Variants in GLRB observed in about 807,000 individuals in gnomAD.
GLRB encodes glycine receptor beta.
A neutral mutation model predicts 54.2 loss-of-function variants in GLRB; 33 were observed. The observed-to-expected ratio is 0.61, with a 90% CI of 0.46 to 0.81. GLRB has a LOEUF of 0.81. Ranked by LOEUF, GLRB falls within the 40% of genes least tolerant of loss-of-function variation. GLRB has a pLI of 0.00. For synonymous variants in GLRB, 209 were observed against 208.2 expected (o/e 1.00, Z -0.03); for missense variants, 572 against 584.6 (o/e 0.98, Z 0.22).
intron 9 of GLRB, among the ~76,000 whole-genome samples, chr4:157,159,343 C>T (rs910531741): frequency 6.6e-6 from 1 of 151,996 alleles, no homozygotes; most frequent in Non-Finnish European, 1.5e-5. Context: ...TGCTTGATTG[C>T]CTTGGCCAGA....
At chr4:157,134,263 A>G (rs917167479) in intron 4 of GLRB, among the ~76,000 whole-genome samples, 2 of 152,064 alleles carry the variant, frequency 1.3e-5, no homozygotes, top group African/African-American at 4.8e-5. Flanking sequence ...TGGATAAAGA[A>G]TACTAATGAG....
intron 8 of GLRB, 100 bp downstream of exon 8, chr4:157,144,059 G>A: frequency 8.1e-7 from 1 of 1,238,406 alleles, no homozygotes; most frequent in Non-Finnish European, 1.2e-6. Flanking sequence ...TTTTAGAATT[G>A]TTAGCCACCA....
At chr4:157,077,917 G>A (rs1048092841) in intron 1 of GLRB, 79 bp from the exon 2 acceptor site, 26 of 919,260 alleles carry the variant, frequency 2.8e-5, no homozygotes, top group Non-Finnish European at 4.4e-5. Context: ...GGGTAGTAAT[G>A]CTTATACTCT....
At chr4:157,162,160 G>T (rs978184081) in intron 9 of GLRB, among the ~76,000 whole-genome samples, 1 of 152,094 alleles carries the variant, frequency 6.6e-6, no homozygotes, top group African/African-American at 2.4e-5. Context: ...CGTAGTTCTC[G>T]TGCCATGGTT....
intron 4 of GLRB, among the ~76,000 whole-genome samples, chr4:157,134,941 T>C (rs1410412346): frequency 6.6e-6 from 1 of 152,108 alleles, no homozygotes; most frequent in African/African-American, 2.4e-5. Flanking sequence ...TTTCCAGTCA[T>C]ATGAAGCATA....
At chr4:157,089,114 G>T (rs1012668671) in intron 2 of GLRB, among the ~76,000 whole-genome samples, 4 of 152,176 alleles carry the variant, frequency 2.6e-5, no homozygotes, top group African/African-American at 9.7e-5. Flanking sequence ...TTTCGGCTGG[G>T]TGCCATGGCT....
In GLRB at chr4:157,170,798, C is replaced by G. The variant is rs1379887641; in HGVS notation, c.*70C>G. 1 of 880,810 alleles carries G rather than the reference C, an allele frequency of 1.1e-6. No homozygotes were observed. The highest frequency in any genetic ancestry group is 1.7e-6 in the Non-Finnish European group (1 of 589,840). 54.6% of individuals were successfully genotyped at this position (880,810 alleles called of 1,614,324 possible). A position where few individuals can be genotyped will look rare whatever the true frequency, so the allele number is the denominator to read the frequency against. The stretch of plus-strand genomic sequence containing the variant: ...ACCTACTCCTTTCATAAATGCCAAT[C>G]TGTGAGAACTTTTGAATTTTCATAG... On this transcript the variant is annotated 3_prime_UTR_variant, in exon 10 of 10. Transcript: ENST00000264428.
At chr4:157,167,948 A>T (rs1737775340) in intron 9 of GLRB, among the ~76,000 whole-genome samples, 1 of 152,114 alleles carries the variant, frequency 6.6e-6, no homozygotes, top group Admixed American at 6.6e-5. Context: ...TTGAACTAAC[A>T]GAGGGACAAC....
intron 2 of GLRB, among the ~76,000 whole-genome samples, chr4:157,102,622 T>C (rs2126484803): frequency 6.6e-6 from 1 of 152,238 alleles, no homozygotes; most frequent in Admixed American, 6.5e-5. Flanking sequence ...GAGATTACAA[T>C]CTTCAGGCAG....
At chr4:157,147,214 C>T (rs1302808752) in intron 8 of GLRB, among the ~76,000 whole-genome samples, 4 of 152,074 alleles carry the variant, frequency 2.6e-5, no homozygotes, top group Admixed American at 1.3e-4. Context: ...GGGGAGTGAG[C>T]GTAAGCAGAG....
At chr4:157,169,651 A>G (rs1737844301) in intron 9 of GLRB, among the ~76,000 whole-genome samples, 2 of 152,136 alleles carry the variant, frequency 1.3e-5, no homozygotes, top group African/African-American at 2.4e-5. Context: ...AACTGTATTT[A>G]TTGAAAAAAA....
At chr4:157,154,271 G>A (rs1277978033) in intron 9 of GLRB, among the ~76,000 whole-genome samples, 2 of 151,968 alleles carry the variant, frequency 1.3e-5, no homozygotes, top group Non-Finnish European at 2.9e-5. Context: ...TTGGTGTTTG[G>A]TATTTAAACT....
At chr4:157,095,289 A>G (rs944390213) in intron 2 of GLRB, among the ~76,000 whole-genome samples, 6 of 141,934 alleles carry the variant, frequency 4.2e-5, no homozygotes, top group African/African-American at 1.6e-4. Context: ...AGTGATTCCC[A>G]CGTTTTGTGC....
chr4:157,103,201 C>T (rs896090827), intron 2 of GLRB, among the ~76,000 whole-genome samples: 2 of 150,716 alleles, frequency 1.3e-5, no homozygotes, highest in Admixed American at 1.3e-4. Flanking sequence ...AATAGGGACA[C>T]AAAGGCACTC....
intron 8 of GLRB, among the ~76,000 whole-genome samples, chr4:157,145,209 G>A (rs2126586864): frequency 6.6e-6 from 1 of 152,256 alleles, no homozygotes; most frequent in Non-Finnish European, 1.5e-5. Flanking sequence ...ATTCATTGCA[G>A]GACTTCTGAT....
At chr4:157,076,606 T>G (rs1375681895) in intron 1 of GLRB, 2 of 152,234 alleles carry the variant, frequency 1.3e-5, no homozygotes, top group Middle Eastern at 3.4e-3. Flanking sequence ...TGCGTTGTTT[T>G]GTTTATGAGG....
intron 8 of GLRB, among the ~76,000 whole-genome samples, chr4:157,151,950 A>G (rs1368962412): frequency 6.6e-6 from 1 of 152,140 alleles, no homozygotes; most frequent in East Asian, 1.9e-4. Flanking sequence ...AATAGGTTAT[A>G]GCTATAAAAT....
chr4:157,083,145 G>A (rs531701347), intron 2 of GLRB, among the ~76,000 whole-genome samples: 1 of 151,920 alleles, frequency 6.6e-6, no homozygotes, highest in Middle Eastern at 3.4e-3. Flanking sequence ...TTAAAGCAAG[G>A]TTTACAGAGA....
chr4:157,090,388 T>C (rs1057451747), intron 2 of GLRB, among the ~76,000 whole-genome samples: 1 of 152,158 alleles, frequency 6.6e-6, no homozygotes. Flanking sequence ...TAATGGCTGG[T>C]TTAATGGAAG....
Sources: allele counts gnomAD v4.1 joint callset (sites outside exome capture counted in the v4.1 genomes callset), GRCh38; gene constraint gnomAD v4.1.1; transcripts MANE v1.5; gene names NCBI Gene and HGNC (gene_info 2026-07-23, HGNC 2026-07-21).